The following PARVB variants were observed in gnomAD, a reference collection of about 807,000 sequenced individuals.
The protein encoded by PARVB is parvin beta.
PARVB carries 46 observed loss-of-function variants against 47.0 expected under a neutral mutation model. That is an observed-to-expected ratio of 0.98 (90% CI 0.77 to 1.25). The LOEUF is 1.25. Among genes scored for constraint, PARVB ranks in the 50% most tolerant of loss-of-function variants. The probability of loss-of-function intolerance (pLI) is 0.00; values close to 1 mark genes in which losing one functional copy is unlikely to be tolerated. For synonymous variants in PARVB, 196 were observed against 196.3 expected (o/e 1.00, Z 0.01); for missense variants, 473 against 471.6 (o/e 1.00, Z -0.03).
intron 6 of PARVB, among the ~76,000 whole-genome samples, chr22:44,136,165 C>A (rs1048538796): frequency 6.6e-6 from 1 of 152,124 alleles, no homozygotes; most frequent in East Asian, 1.9e-4. Context: ...TTTGGGGAAT[C>A]CTGACCTGGG....
intron 12 of PARVB, among the ~76,000 whole-genome samples, chr22:44,164,459 T>C (rs1323971927): frequency 6.9e-6 from 1 of 144,600 alleles, no homozygotes; most frequent in Non-Finnish European, 1.5e-5. Context: ...CTCTCTAACC[T>C]GAGTGAGCAT....
intron 3 of PARVB, 51 bp from the exon 4 acceptor site, chr22:44,118,987 C>T (rs2052977627): frequency 1.6e-6 from 2 of 1,265,294 alleles, no homozygotes; most frequent in South Asian, 2.4e-5. Flanking sequence ...GTCACTGCCT[C>T]ATTGCCGTGG....
At chr22:44,090,602 C>T (rs559689489) in intron 1 of PARVB, among the ~76,000 whole-genome samples, 12 of 152,350 alleles carry the variant, frequency 7.9e-5, no homozygotes, top group South Asian at 2.1e-4. Context: ...CCACTTGCCC[C>T]GAGGTCTCCC....
chr22:44,151,013 C>G (rs1239419085), intron 9 of PARVB: 1 of 109,798 alleles, frequency 9.1e-6, no homozygotes, highest in Non-Finnish European at 1.6e-5. Flanking sequence ...GCCTGGGCGA[C>G]AGAGTGAGAC....
At chr22:44,152,632 T>G (rs1030934613) in intron 10 of PARVB, 7 of 152,222 alleles carry the variant, frequency 4.6e-5, no homozygotes, top group African/African-American at 1.7e-4. Context: ...TACAACACAT[T>G]TCTTCTGCAA....
At chr22:44,053,110 G>A (rs1423076488) in intron 1 of PARVB, among the ~76,000 whole-genome samples, 1 of 145,298 alleles carries the variant, frequency 6.9e-6, no homozygotes, top group Non-Finnish European at 1.5e-5. Context: ...TTGAGATGGA[G>A]TCTTGCTCTG....
chr22:44,091,367 G>A (rs2052163466), intron 1 of PARVB, among the ~76,000 whole-genome samples: 1 of 149,506 alleles, frequency 6.7e-6, no homozygotes. Context: ...CAAGAGCAGA[G>A]TTCACTGGTA....
intron 2 of PARVB, chr22:43,999,787 AG>A: frequency 1.9e-6 from 1 of 529,472 alleles, no homozygotes; most frequent in Non-Finnish European, 3.5e-6. Context: ...GCTTGAGCCC[AG>A]GAATTTGAGA....
At chr22:44,053,304 G>C (rs184961929) in intron 1 of PARVB, among the ~76,000 whole-genome samples, 2 of 151,966 alleles carry the variant, frequency 1.3e-5, no homozygotes, top group Non-Finnish European at 2.9e-5. Flanking sequence ...GGATGGTCTC[G>C]AACTCCTGCC....
chr22:44,043,503 G>A (rs1287224296), intron 1 of PARVB, among the ~76,000 whole-genome samples: 1 of 151,986 alleles, frequency 6.6e-6, no homozygotes, highest in Non-Finnish European at 1.5e-5. Context: ...TTGGCCACCC[G>A]AGTAGCTGGG....
At chr22:44,157,917 A>G (rs575229108) in intron 10 of PARVB, 65 bp from the exon 11 acceptor site, 1 of 1,158,566 alleles carries the variant, frequency 8.6e-7, no homozygotes, top group South Asian at 1.2e-5. Context: ...GCCCCCCTTA[A>G]GTTTGTGCAA....
intron 7 of PARVB, 26 bp downstream of exon 7, chr22:44,136,544 C>A (rs372690585): frequency 9.4e-6 from 15 of 1,603,336 alleles, no homozygotes; most frequent in Non-Finnish European, 1.3e-5. Flanking sequence ...TCTTGCCCTT[C>A]CAGGCCCTGC....
rs141477786 is a variant in PARVB at position 43,999,230 on chromosome 22, C to T, written c.-111C>T. The T allele has an allele frequency of 8.3e-4, 688 of 828,480 alleles. 6 individuals are homozygous for T. The highest frequency in any genetic ancestry group is 7.9e-3 in the Middle Eastern group (22 of 2,778). 51.3% of individuals were successfully genotyped at this position (828,480 alleles called of 1,614,324 possible). On this transcript the variant is annotated 5_prime_UTR_variant, in exon 1 of 14. Coordinates refer to the PARVB transcript ENST00000406477. ...CTCCTGCAAAGGCCCTACACTTTGA[C>T]GTCCTCCCCATCTCCGGCAGCTCCT... is the stretch of plus-strand genomic sequence containing the variant.
chr22:44,092,260 G>A (rs922838146), intron 1 of PARVB, among the ~76,000 whole-genome samples: 18 of 151,992 alleles, frequency 1.2e-4, no homozygotes, highest in Admixed American at 3.3e-4. Flanking sequence ...ACAGGCGCAC[G>A]CCACCACGCC....
At chr22:44,010,253 A>G (rs2050508970) in intron 2 of PARVB, among the ~76,000 whole-genome samples, 1 of 152,210 alleles carries the variant, frequency 6.6e-6, no homozygotes, top group African/African-American at 2.4e-5. Context: ...GAATGAATCC[A>G]TGAGTGTGCA....
At chr22:44,009,753 CCT>C (rs905278131) in intron 2 of PARVB, among the ~76,000 whole-genome samples, 1 of 151,024 alleles carries the variant, frequency 6.6e-6, no homozygotes, top group Non-Finnish European at 1.5e-5. Context: ...TATGTAAAAA[CCT>C]ATATATACAC....
intron 2 of PARVB, among the ~76,000 whole-genome samples, chr22:44,008,910 A>AC: frequency 6.6e-6 from 1 of 152,130 alleles, no homozygotes; most frequent in East Asian, 1.9e-4. Context: ...AATGGCGTGA[A>AC]CCCGGGAGGC....
chr22:44,034,700 G>A (rs1162807791), intron 1 of PARVB, among the ~76,000 whole-genome samples: 3 of 145,418 alleles, frequency 2.1e-5, no homozygotes, highest in Admixed American at 7.2e-5. Context: ...AGAAATCCAC[G>A]TGTAACTTTT....
intron 6 of PARVB, among the ~76,000 whole-genome samples, chr22:44,134,978 C>T (rs1383003651): frequency 6.6e-6 from 1 of 152,232 alleles, no homozygotes; most frequent in Non-Finnish European, 1.5e-5. Context: ...TCTGGACCTT[C>T]CTTGGCAGGC....
Sources: allele counts gnomAD v4.1 joint callset (sites outside exome capture counted in the v4.1 genomes callset), GRCh38; gene constraint gnomAD v4.1.1; transcripts MANE v1.5; gene names NCBI Gene and HGNC (gene_info 2026-07-23, HGNC 2026-07-21).